Variants in NUMB observed in about 807,000 individuals in gnomAD.
NUMB encodes NUMB endocytic adaptor protein.
Under a neutral mutation model 59.7 loss-of-function variants are expected in NUMB, and 29 were observed. The observed-to-expected ratio is 0.49, with a 90% CI of 0.36 to 0.66. NUMB has a LOEUF of 0.66. NUMB is among the 30% of genes least tolerant of loss of function. NUMB has a pLI of 0.00. For synonymous variants in NUMB, 288 were observed against 288.2 expected (o/e 1.00, Z 0.01); for missense variants, 723 against 822.0 (o/e 0.88, Z 1.47).
intron 1 of NUMB, among the ~76,000 whole-genome samples, chr14:73,455,980 T>G (rs1355376023): frequency 3.3e-5 from 5 of 152,156 alleles, no homozygotes; most frequent in Non-Finnish European, 7.3e-5. Flanking sequence ...TAAGTTCTCA[T>G]GCCAAAGATT....
At chr14:73,450,803 A>G (rs538807871) in intron 1 of NUMB, among the ~76,000 whole-genome samples, 1 of 151,654 alleles carries the variant, frequency 6.6e-6, no homozygotes, top group Admixed American at 6.6e-5. Context: ...AAAAAAACAA[A>G]ACAGAATACT....
chr14:73,427,794 G>A (rs1232901651), intron 1 of NUMB, among the ~76,000 whole-genome samples: 5 of 152,106 alleles, frequency 3.3e-5, no homozygotes, highest in Admixed American at 3.3e-4. Flanking sequence ...AAACTCTTAA[G>A]CAGTTAAGGT....
chr14:73,320,134 C>CGGG (rs5809612), intron 5 of NUMB, among the ~76,000 whole-genome samples: 3 of 151,204 alleles, frequency 2.0e-5, no homozygotes, highest in Admixed American at 1.3e-4. Context: ...TCCGACTCGG[C>CGGG]GGGGGGGCAA....
At chr14:73,348,123 A>T (rs1893009964) in intron 4 of NUMB, among the ~76,000 whole-genome samples, 1 of 152,154 alleles carries the variant, frequency 6.6e-6, no homozygotes, top group African/African-American at 2.4e-5. Context: ...ACTGGTCTCT[A>T]AGGCAAGGCA....
intron 3 of NUMB, among the ~76,000 whole-genome samples, chr14:73,359,371 T>C (rs1893986080): frequency 6.6e-6 from 1 of 152,144 alleles, no homozygotes; most frequent in Non-Finnish European, 1.5e-5. Context: ...CAATAAAGCA[T>C]GTTAAGACTT....
chr14:73,336,156 CTT>C (rs1892302595), intron 4 of NUMB, among the ~76,000 whole-genome samples: 1 of 152,196 alleles, frequency 6.6e-6, no homozygotes, highest in Non-Finnish European at 1.5e-5. Context: ...GAACTCTGCT[CTT>C]TTGATTTCTA....
intron 4 of NUMB, among the ~76,000 whole-genome samples, chr14:73,330,121 C>T (rs1891881269): frequency 6.6e-6 from 1 of 152,188 alleles, no homozygotes; most frequent in Admixed American, 6.5e-5. Context: ...TAACTGCAGC[C>T]TTAGGCTCAA....
At chr14:73,278,032 C>T (rs1400600156) in intron 12 of NUMB, among the ~76,000 whole-genome samples, 2 of 111,918 alleles carry the variant, frequency 1.8e-5, no homozygotes, top group African/African-American at 7.0e-5. Context: ...AGTGACACAG[C>T]GAGACTCCGT....
At chr14:73,298,753 G>C (rs1158945647) in intron 6 of NUMB, 2 of 152,198 alleles carry the variant, frequency 1.3e-5, no homozygotes, top group African/African-American at 4.8e-5. Context: ...AGGAAAACTT[G>C]ATATGAGGAC....
chr14:73,297,397 T>C lies in NUMB; in HGVS notation c.235-112A>G, dbSNP rs1039193362. ...GCCTTCCAAAAGTCACAAGTACAGA[T>C]GGAGTCCAAGTTCAGGAGTGGTGCC... On this transcript the variant is annotated intron_variant, in intron 6 of 12. Transcript: ENST00000555238. 6 of 713,996 alleles carry C rather than the reference T, an allele frequency of 8.4e-6. No homozygotes were observed. The African/African-American group carries it at 1.1e-4, about 13-fold the overall frequency. The allele number at this position is 713,996 out of a possible 1,614,324, so 44.2% of individuals were successfully genotyped here. A position where few individuals can be genotyped will look rare whatever the true frequency, so the allele number is the denominator to read the frequency against.
chr14:73,358,847 G>A (rs915665614), intron 3 of NUMB, among the ~76,000 whole-genome samples: 5 of 151,982 alleles, frequency 3.3e-5, no homozygotes, highest in Non-Finnish European at 5.9e-5. Flanking sequence ...TAAAACAGAC[G>A]CCCACCACAG....
intron 3 of NUMB, among the ~76,000 whole-genome samples, chr14:73,358,937 T>TA (rs1893957631): frequency 3.3e-5 from 5 of 152,302 alleles, no homozygotes; most frequent in African/African-American, 1.2e-4. Flanking sequence ...ACTGACAGTG[T>TA]AATAGTCCAA....
chr14:73,314,423 C>G (rs1050194761), intron 6 of NUMB, among the ~76,000 whole-genome samples: 7 of 150,112 alleles, frequency 4.7e-5, no homozygotes, highest in Non-Finnish European at 5.9e-5. Context: ...CTTTCTTATA[C>G]CATACAAATT....
At chr14:73,431,447 G>A (rs1356262594) in intron 1 of NUMB, among the ~76,000 whole-genome samples, 1 of 151,208 alleles carries the variant, frequency 6.6e-6, no homozygotes, top group African/African-American at 2.4e-5. Flanking sequence ...GTAGAGACAG[G>A]GTTTTGCCAC....
At chr14:73,342,451 C>T (rs889679215) in intron 4 of NUMB, among the ~76,000 whole-genome samples, 1 of 152,328 alleles carries the variant, frequency 6.6e-6, no homozygotes, top group African/African-American at 2.4e-5. Flanking sequence ...GATTGTCACA[C>T]AGGCAATAAA....
chr14:73,276,861 C>T lies in NUMB; in HGVS notation c.1673G>A (p.Arg558Lys). ...AHPHQSPSLV[R>K]QQTFPHYEAS... The stretch of plus-strand genomic sequence containing the variant: ...CTCGTAGTGAGGGAATGTCTGCTGC[C>T]TGACCAGGCTGGGTGACTGATGGGG... The change falls in exon 13 of 13, where the codon AGG (arginine) becomes AAG (lysine). Residue 558 changes from arginine to lysine, a missense_variant. Arg to Lys is a conservative substitution (Grantham distance 26). Around this residue, in one of 2 missense-constraint regions of NUMB, gnomAD observed 406 missense variants for 385.4 expected, o/e 1.05. Transcript: ENST00000555238. The T allele has an allele frequency of 6.2e-7, 1 of 1,614,070 alleles. No individual in the cohort carries two copies. The highest frequency in any genetic ancestry group is 1.3e-5 in the African/African-American group (1 of 75,050).
At chr14:73,428,369 T>C (rs1455593512) in intron 1 of NUMB, among the ~76,000 whole-genome samples, 1 of 152,174 alleles carries the variant, frequency 6.6e-6, no homozygotes, top group South Asian at 2.1e-4. Flanking sequence ...CATAAAATTC[T>C]ATTAAATGTA....
chr14:73,281,478 G>A (rs1232841155), intron 11 of NUMB: 2 of 152,216 alleles, frequency 1.3e-5, no homozygotes, highest in African/African-American at 2.4e-5. Context: ...GAGAAAAAGT[G>A]TGTAGTTCTT....
intron 4 of NUMB, among the ~76,000 whole-genome samples, chr14:73,334,198 T>G (rs1374824017): frequency 6.6e-6 from 1 of 152,176 alleles, no homozygotes; most frequent in Non-Finnish European, 1.5e-5. Context: ...ATTACAGGTG[T>G]GAGCCACCGC....
Sources: allele counts gnomAD v4.1 joint callset (sites outside exome capture counted in the v4.1 genomes callset), GRCh38; gene constraint gnomAD v4.1.1; regional missense constraint gnomAD v4.1.1; transcripts MANE v1.5; gene names NCBI Gene and HGNC (gene_info 2026-07-23, HGNC 2026-07-21).